Variants in TCF3 observed in about 807,000 individuals in gnomAD.
TCF3 encodes transcription factor 3.
Under a neutral mutation model 72.3 loss-of-function variants are expected in TCF3, and 54 were observed. That is an observed-to-expected ratio of 0.75 (90% CI 0.60 to 0.94). The LOEUF is 0.94. Ranked by LOEUF, TCF3 falls within the 40% of genes least tolerant of loss-of-function variation. TCF3 has a pLI of 0.00. For missense variants in TCF3, 1,078 were observed against 934.4 expected, an observed-to-expected ratio of 1.15 and a Z score of -2.00; for synonymous variants, 525 against 412.6, an observed-to-expected ratio of 1.27 and a Z score of -3.30.
intron 3 of TCF3, among the ~76,000 whole-genome samples, chr19:1,637,892 G>A (rs1005272226): frequency 2.0e-5 from 3 of 151,804 alleles, no homozygotes; most frequent in Non-Finnish European, 4.4e-5. Flanking sequence ...CTGGGCAATA[G>A]AGCGAGACTC....
chr19:1,624,117 G>T, intron 7 of TCF3, 117 bp from the exon 8 acceptor site: 1 of 1,020,690 alleles, frequency 9.8e-7, no homozygotes. Context: ...CCTCGGGTCG[G>T]CTGGGTGCGG....
intron 18 of TCF3, chr19:1,612,137 G>A (rs1404025963): frequency 4.2e-6 from 6 of 1,441,866 alleles, no homozygotes; most frequent in Non-Finnish European, 4.6e-6. Flanking sequence ...AGCACAGGAG[G>A]ACCCCAGCAT....
intron 5 of TCF3, 100 bp downstream of exon 5, chr19:1,631,938 G>A (rs757442057): frequency 2.7e-5 from 42 of 1,547,872 alleles, no homozygotes; most frequent in Non-Finnish European, 3.7e-5. Context: ...CTGGGTGAAC[G>A]CTGGGGACTT....
chr19:1,630,646 A>G (rs2063591641), intron 5 of TCF3, among the ~76,000 whole-genome samples: 1 of 152,206 alleles, frequency 6.6e-6, no homozygotes, highest in African/African-American at 2.4e-5. Flanking sequence ...AGCCAGCAGA[A>G]ACACTGCCTC....
intron 18 of TCF3, chr19:1,612,354 G>A (rs999701904): frequency 4.3e-6 from 7 of 1,613,932 alleles, no homozygotes; most frequent in Non-Finnish European, 5.9e-6. Flanking sequence ...ACGCGCACCC[G>A]CTCCCGCGCG....
chr19:1,620,981 G>A lies in TCF3; in HGVS notation c.1080C>T (p.Pro360=), dbSNP rs201663318. The change falls in exon 13 of 19, where the codon CCC becomes CCT. Residue 360 remains proline (P), a synonymous_variant. Coordinates refer to ENST00000262965, the MANE Select transcript of TCF3 (RefSeq NM_003200.5). ...SSSPSTPVGS[P]QGLAGTSQWP... is the part of the protein sequence containing the mutation. Reference sequence around the variant, plus strand: ...ACCCTCACAGACCTGCCAGGCCCTGGGGGGAGCCCACGGGGGTAGAAGGGC... The same window carrying A: ...ACCCTCACAGACCTGCCAGGCCCTGAGGGGAGCCCACGGGGGTAGAAGGGC... 2.6e-6 allele frequency: 4 copies of A among 1,513,660 alleles called. 1 individual carries two copies. Among genetic ancestry groups the A allele is most frequent in the South Asian group, 2.6e-5 (2 of 77,924 alleles). 93.8% of individuals were successfully genotyped at this position (1,513,660 alleles called of 1,614,324 possible). A position where few individuals can be genotyped will look rare whatever the true frequency, so the allele number is the denominator to read the frequency against.
Position 1,615,338 on chromosome 19 carries a change from A to G in TCF3, c.1769T>C (p.Leu590Pro). 1 of 1,612,138 alleles carries G rather than the reference A, an allele frequency of 6.2e-7. No individual in the cohort carries two copies. ...LNSEKPQTKLLILHQAVSVIL... is the reference protein window; with the variant it reads ...LNSEKPQTKLPILHQAVSVIL... ...GACCGAGACAGCCTGGTGCAGGATG[A>G]GCAGTTTGGTCTGGGGCTTCTCGCT... Residue 590 changes from leucine to proline, a missense_variant, in exon 18 of 19, where the codon CTC (leucine) becomes CCC (proline). Transcript: ENST00000262965. This position sits in a 1 kb window ranked among gnomAD's most constrained non-coding sequence, Gnocchi z 7.3.
At chr19:1,642,742 G>A (rs2065517766) in intron 3 of TCF3, among the ~76,000 whole-genome samples, 1 of 152,194 alleles carries the variant, frequency 6.6e-6, no homozygotes, top group Non-Finnish European at 1.5e-5. Flanking sequence ...CAAGTGCTGG[G>A]ATTACAGGCC....
chr19:1,635,129 C>T (rs74497522), intron 3 of TCF3, among the ~76,000 whole-genome samples: 217 of 152,312 alleles, frequency 1.4e-3, no homozygotes, highest in Non-Finnish European at 2.5e-3. Flanking sequence ...CCCTGCCAAA[C>T]CCTCAGGCAC....
rs144365837 is a variant in TCF3 at position 1,619,376 on chromosome 19, G to A, written c.1266C>T (p.His422=). 19 of 1,591,008 alleles carry A rather than the reference G, an allele frequency of 1.2e-5. No homozygotes were observed. Among genetic ancestry groups the A allele is most frequent in the South Asian group, 8.9e-5 (8 of 90,380 alleles). ...CGGTGAAACCTGAGGCCAGCGCCCC[G>A]TGGCCAGGCAGCAGCGTGTGCATGT... ...AGDMHTLLPG[H]GALASGFTGP... The change falls in exon 15 of 19, where the codon CAC becomes CAT. Residue 422 remains histidine, a synonymous_variant. Coordinates refer to ENST00000262965, the MANE Select transcript of TCF3 (RefSeq NM_003200.5).
In TCF3 at chr19:1,615,660, G is replaced by A. The variant is rs749609596; in HGVS notation, c.1586+26C>T. 9.3e-6 allele frequency: 15 copies of A among 1,613,186 alleles called. No homozygotes were observed. Among genetic ancestry groups the A allele is most frequent in the Non-Finnish European group, 1.3e-5 (15 of 1,179,722 alleles). On this transcript the variant is annotated intron_variant, in intron 17 of 18. Transcript: ENST00000262965. The surrounding 1 kb of genome is among the most constrained non-coding windows in gnomAD (Gnocchi z 7.3). ...TGTGCGTCCTGATGGGGTGAGGGTG[G>A]GGAGTGCCGAGGGGTGGGTTGGCAC...
chr19:1,625,074 T>C lies in TCF3; in HGVS notation c.499+502A>G, dbSNP rs114569050. Among the ~76,000 whole-genome samples the C allele has an allele frequency of 3.7e-3, 562 of 152,330 alleles. 4 individuals carry two copies. Among genetic ancestry groups the C allele is most frequent in the African/African-American group, 0.013 (535 of 41,580 alleles). ...GTTGCCCAGAATGGTTTGCAACTTTTGGCCTCAAGTGATCCTCCTGTCTCG... is the reference window on the plus strand; with the variant it reads ...GTTGCCCAGAATGGTTTGCAACTTTCGGCCTCAAGTGATCCTCCTGTCTCG... On this transcript the variant is annotated intron_variant, in intron 7 of 18. Transcript: ENST00000262965.
intron 16 of TCF3, among the ~76,000 whole-genome samples, chr19:1,617,473 G>A (rs963122163): frequency 2.0e-5 from 3 of 152,212 alleles, no homozygotes; most frequent in Admixed American, 1.3e-4. Context: ...AAATGAATGC[G>A]GCCACTCTGC....
At chr19:1,651,551 C>T (rs1254170287) in intron 1 of TCF3, among the ~76,000 whole-genome samples, 1 of 152,184 alleles carries the variant, frequency 6.6e-6, no homozygotes, top group Non-Finnish European at 1.5e-5. Context: ...GGGCATTCTA[C>T]GGGAGCTGGA....
intron 3 of TCF3, among the ~76,000 whole-genome samples, chr19:1,633,497 T>G (rs776393099): frequency 5.0e-4 from 75 of 150,486 alleles, no homozygotes; most frequent in Admixed American, 3.0e-3. Flanking sequence ...CACCAGAAAC[T>G]TCTTTCAAAT....
rs138008597 is a variant in TCF3 at position 1,639,496 on chromosome 19, C to T, written c.145+6859G>A. 3.7e-3 allele frequency among the ~76,000 whole-genome samples: 562 copies of T among 152,292 alleles called. 4 individuals are homozygous for T. Among genetic ancestry groups the T allele is most frequent in the African/African-American group, 0.012 (516 of 41,572 alleles). ...GGGGATGGCGCTGCTCTCAGCCTGACATTAAACAGATTAAAAATCTAAATA... is the reference window on the plus strand; with the variant it reads ...GGGGATGGCGCTGCTCTCAGCCTGATATTAAACAGATTAAAAATCTAAATA... On this transcript the variant is annotated intron_variant, in intron 3 of 18. Coordinates refer to ENST00000262965, the MANE Select transcript of TCF3 (RefSeq NM_003200.5).
At chr19:1,627,230 CAG>C in intron 6 of TCF3, 127 bp downstream of exon 6, 2 of 713,796 alleles carry the variant, frequency 2.8e-6, no homozygotes, top group Non-Finnish European at 2.2e-6. Context: ...GGCCCAAGCC[CAG>C]CCTGGTTTCG....
At chr19:1,622,026 A>G (rs1568373618) in intron 10 of TCF3, 28 bp downstream of exon 10, 1 of 1,155,230 alleles carries the variant, frequency 8.7e-7, no homozygotes, top group East Asian at 3.1e-5. Flanking sequence ...CCCTCCGCCC[A>G]CCCCCTGCCC....
At chr19:1,637,059 C>T (rs1057096353) in intron 3 of TCF3, among the ~76,000 whole-genome samples, 7 of 152,086 alleles carry the variant, frequency 4.6e-5, no homozygotes, top group African/African-American at 7.2e-5. Context: ...GAACCGGGGA[C>T]GCCTCGCAAC....
Sources: gnomAD v4.1 joint callset for allele counts (sites outside exome capture counted in the v4.1 genomes callset) on GRCh38, gnomAD v4.1.1 for gene constraint, Gnocchi (gnomAD v3.1) non-coding constraint, MANE v1.5 for transcripts, NCBI Gene and HGNC (gene_info 2026-07-23, HGNC 2026-07-21) for gene names.